The following SNAPC4 variants were observed in gnomAD, a reference collection of about 807,000 sequenced individuals.
SNAPC4 encodes small nuclear RNA activating complex polypeptide 4.
In SNAPC4, 127 loss-of-function variants were observed where a neutral mutation model predicts 151.3. The ratio of observed to expected loss-of-function variants is 0.84; its 90% CI spans 0.73 to 0.97. SNAPC4 has a LOEUF of 0.97. Ranked by LOEUF, SNAPC4 falls within the 50% of genes least tolerant of loss-of-function variation. SNAPC4 has a pLI of 0.00. For synonymous variants in SNAPC4, 1,002 were observed against 824.4 expected, an observed-to-expected ratio of 1.22 and a Z score of -3.69; for missense variants, 2,186 against 1,935.0, an observed-to-expected ratio of 1.13 and a Z score of -2.43.
intron 20 of SNAPC4, 103 bp from the exon 21 acceptor site, chr9:136,379,967 A>G: frequency 6.9e-7 from 1 of 1,443,220 alleles, no homozygotes; most frequent in Non-Finnish European, 9.6e-7. Context: ...CTGAAATGGG[A>G]CGAGGCCCCA....
chr9:136,386,895 G>A (rs1833908456), intron 13 of SNAPC4, among the ~76,000 whole-genome samples: 1 of 152,128 alleles, frequency 6.6e-6, no homozygotes, highest in South Asian at 2.1e-4. Flanking sequence ...TGGGATTACA[G>A]GCGCCACCCC....
rs771985265 is a variant in SNAPC4 at position 136,395,687 on chromosome 9, C to T, written c.261G>A (p.Leu87=). Residue 87 remains leucine, a synonymous_variant, in exon 4 of 24, where the codon CTG becomes CTA. Coordinates refer to ENST00000684778, the MANE Select transcript of SNAPC4 (RefSeq NM_003086.4). ...CCTCCTGGTAGACCATGTTCAGCTG[C>T]AGGCAGGTTTCTGGGTCTTCAGGGA... The part of the protein sequence containing the change: ...KTLPEDPETC[L]QLNMVYQEVI... The T allele has an allele frequency of 6.2e-7, 1 of 1,613,478 alleles. No individual in the cohort carries two copies.
At chr9:136,385,898 T>C (rs1833872997) in intron 13 of SNAPC4, among the ~76,000 whole-genome samples, 1 of 152,174 alleles carries the variant, frequency 6.6e-6, no homozygotes, top group South Asian at 2.1e-4. Flanking sequence ...ATGAAAATTT[T>C]ATTTTCCACT....
chr9:136,383,557 TGC>T lies in SNAPC4; in HGVS notation c.1610_1611del (p.Ser537LysfsTer19), dbSNP rs772634702. On this transcript the variant is annotated frameshift_variant, in exon 16 of 24. Coordinates refer to ENST00000684778, the MANE Select transcript of SNAPC4 (RefSeq NM_003086.4). LOFTEE classifies it high-confidence loss of function. The surrounding 1 kb of genome is among the most constrained non-coding windows in gnomAD (Gnocchi z 4.2). ...TCGTCCTCCTCGCTGCTGCTGCTGC[TGC>T]TGCTGCTGCTCCCTCCACTGCTGCC... ...SSGSSGGSSS[S>X]SSSSSEEDEP... is the part of the protein sequence containing the mutation. The T allele has an allele frequency of 1.2e-5, 19 of 1,606,524 alleles. No homozygotes were observed. The highest frequency in any genetic ancestry group is 3.3e-4 in the Middle Eastern group (2 of 6,032).
chr9:136,384,090 G>T, intron 14 of SNAPC4, 58 bp from the exon 15 acceptor site: 1 of 1,470,706 alleles, frequency 6.8e-7, no homozygotes, highest in Non-Finnish European at 9.4e-7. Flanking sequence ...CCCAGGACAG[G>T]CTTGCTGTTC....
Position 136,383,496 on chromosome 9 carries a change from G to A in SNAPC4, c.1673C>T (p.Ala558Val), listed in dbSNP as rs368684832. The A allele has an allele frequency of 3.1e-5, 48 of 1,573,440 alleles. No individual in the cohort carries two copies. The Middle Eastern group carries it at 5.2e-4, about 17-fold the overall frequency. Residue 558 changes from alanine (A) to valine (V), a missense_variant, in exon 16 of 24, where the codon GCG becomes GTG. Physicochemically the swap from Ala to Val is moderately conservative, Grantham distance 64 (BLOSUM62 0). Transcript: ENST00000684778. This position sits in a 1 kb window ranked among gnomAD's most constrained non-coding sequence, Gnocchi z 4.2. Reference sequence around the variant, plus strand: ...GACCATGTACTGTGGGGACAGCAGCGCTCTGTCACCCTCCCCGGCCTGCGC... The same window carrying A: ...GACCATGTACTGTGGGGACAGCAGCACTCTGTCACCCTCCCCGGCCTGCGC... The part of the protein sequence containing the change: ...EQAQAGEGDR[A>V]LLSPQYMVPD...
chr9:136,394,230 C>CT lies in SNAPC4; in HGVS notation c.632+18dup, dbSNP rs141530587. ...TGCCCAGCCTGAAGACCGTTTTTGA[C>CT]TTATGGTTTTAGACTTACTTCAGTA... On this transcript the variant is annotated intron_variant, in intron 7 of 23. Transcript: ENST00000684778. 271,688 of 1,600,824 alleles carry CT rather than the reference C, an allele frequency of 0.17. 23,981 individuals carry two copies. Among genetic ancestry groups the CT allele is most frequent in the Admixed American group, 0.25 (15,097 of 59,958 alleles).
chr9:136,378,160 C>T lies in SNAPC4; in HGVS notation c.3667G>A (p.Gly1223Arg), dbSNP rs1005930339. The change falls in exon 22 of 24, where the codon GGG (glycine) becomes AGG (arginine). Residue 1223 changes from glycine (G) to arginine (R), a missense_variant. Coordinates refer to ENST00000684778, the MANE Select transcript of SNAPC4 (RefSeq NM_003086.4). ...IPATEPRGTPGSPSGTQEPRG... is the reference protein window; with the variant it reads ...IPATEPRGTPRSPSGTQEPRG... ...GGCTCCTGTGTCCCTGAGGGGGACC[C>T]CGGCGTCCCCCTTGGCTCAGTTGCT... The T allele has an allele frequency of 6.2e-7, 1 of 1,610,768 alleles. No individual in the cohort carries two copies.
At chr9:136,390,840 AT>A (rs1440309507) in intron 10 of SNAPC4, among the ~76,000 whole-genome samples, 1,793 of 145,320 alleles carry the variant, frequency 0.012, 19 homozygotes, top group African/African-American at 0.036. Context: ...TTATTTATTT[AT>A]TTTTTTTTTT....
At chr9:136,380,546 G>C (rs1260297969) in intron 20 of SNAPC4, among the ~76,000 whole-genome samples, 194 bp downstream of exon 20, 1 of 152,208 alleles carries the variant, frequency 6.6e-6, no homozygotes, top group Non-Finnish European at 1.5e-5. Context: ...GGGCCCCAGT[G>C]TCAGCCCCGA....
chr9:136,383,537 C>G lies in SNAPC4; in HGVS notation c.1632G>C (p.Glu544Asp), dbSNP rs377762983. 1 of 1,592,004 alleles carries G rather than the reference C, an allele frequency of 6.3e-7. No individual in the cohort carries two copies. Among genetic ancestry groups the G allele is most frequent in the South Asian group, 1.1e-5 (1 of 89,652 alleles). ...CGGCCTGCGCCTGCTCTGGCTCGTC[C>G]TCCTCGCTGCTGCTGCTGCTGCTGC... ...SSSSSSSSSEEDEPEQAQAGE... is the reference protein window; with the variant it reads ...SSSSSSSSSEDDEPEQAQAGE... The change falls in exon 16 of 24, where the codon GAG becomes GAC. Residue 544 changes from glutamate (E) to aspartate (D), a missense_variant. Coordinates refer to ENST00000684778, the MANE Select transcript of SNAPC4 (RefSeq NM_003086.4). This position sits in a 1 kb window ranked among gnomAD's most constrained non-coding sequence, Gnocchi z 4.2.
chr9:136,383,146 A>C lies in SNAPC4; in HGVS notation c.1983+40T>G, dbSNP rs747730125. 4 of 1,509,672 alleles carry C rather than the reference A, an allele frequency of 2.6e-6. No homozygotes were observed. In the East Asian group the frequency reaches 6.8e-5, roughly 26 times the overall value. The allele number at this position is 1,509,672 out of a possible 1,614,324, so 93.5% of individuals were successfully genotyped here. On this transcript the variant is annotated intron_variant, in intron 16 of 23. Coordinates refer to ENST00000684778, the MANE Select transcript of SNAPC4 (RefSeq NM_003086.4). The surrounding 1 kb of genome is among the most constrained non-coding windows in gnomAD (Gnocchi z 4.2). ...CGTCAGCCCTGGCGAGCGAGTGCCGAAAGTGCACTTCCCGTGGTACACCCA... is the reference window on the plus strand; with the variant it reads ...CGTCAGCCCTGGCGAGCGAGTGCCGCAAGTGCACTTCCCGTGGTACACCCA...
chr9:136,396,101 T>C (rs1217959742), intron 3 of SNAPC4, among the ~76,000 whole-genome samples: 3 of 152,184 alleles, frequency 2.0e-5, no homozygotes, highest in Non-Finnish European at 4.4e-5. Flanking sequence ...CTGAACTCTG[T>C]CCTGAGCCCC....
chr9:136,397,111 T>G (rs1834300964), intron 2 of SNAPC4, 88 bp from the exon 3 acceptor site: 1 of 1,193,510 alleles, frequency 8.4e-7, no homozygotes, highest in Non-Finnish European at 1.3e-6. Context: ...TGGGCAGACC[T>G]GGGGTTGTGA....
At chr9:136,389,798 C>T (rs1219878846) in intron 10 of SNAPC4, among the ~76,000 whole-genome samples, 1 of 152,094 alleles carries the variant, frequency 6.6e-6, no homozygotes, top group East Asian at 1.9e-4. Context: ...TAGCTGAGAG[C>T]AGCAGCTCTC....
chr9:136,395,896 G>T, intron 3 of SNAPC4, 126 bp from the exon 4 acceptor site: 1 of 935,496 alleles, frequency 1.1e-6, no homozygotes, highest in Non-Finnish European at 1.6e-6. Context: ...AACACCCAAT[G>T]TGGAAGCAGG....
rs1164137153 is a variant in SNAPC4, at chr9:136,383,307, G to A, written c.1862C>T (p.Pro621Leu). The A allele has an allele frequency of 3.7e-6, 6 of 1,611,924 alleles. No individual in the cohort carries two copies. The East Asian group carries it at 1.1e-4, about 30-fold the overall frequency. ...CTGCACCGGACTCGTCTCCTCTCCA[G>A]GAGCCGCGGCTGTGGTGGAAGCTTC... ...SKEASTTAAAPGEETSPVQVP... is the reference protein window; with the variant it reads ...SKEASTTAAALGEETSPVQVP... Residue 621 changes from proline to leucine, a missense_variant, in exon 16 of 24, where the codon CCT becomes CTT. Pro to Leu is a moderately conservative substitution (Grantham distance 98). Transcript: ENST00000684778. The surrounding 1 kb of genome is among the most constrained non-coding windows in gnomAD (Gnocchi z 4.2).
At chr9:136,398,670 A>C in intron 1 of SNAPC4, 1 of 446,650 alleles carries the variant, frequency 2.2e-6, no homozygotes, top group Non-Finnish European at 4.1e-6. Flanking sequence ...CCCCAAGAAC[A>C]TCTCCCGCCT....
chr9:136,378,793 C>T lies in SNAPC4; in HGVS notation c.3034G>A (p.Gly1012Ser), dbSNP rs755156901. ...AASQAPALGPGQISVSCPESG... is the reference protein window; with the variant it reads ...AASQAPALGPSQISVSCPESG... ...TCGGGGCAGCTCACAGAGATCTGGC[C>T]GGGGCCCAGGGCAGGGGCTTGGGAA... The change falls in exon 22 of 24, where the codon GGC becomes AGC. Residue 1012 changes from glycine (G) to serine (S), a missense_variant. By Grantham distance (56) the Gly-to-Ser change is moderately conservative. Coordinates refer to ENST00000684778, the MANE Select transcript of SNAPC4 (RefSeq NM_003086.4). 7.9e-5 allele frequency: 123 copies of T among 1,566,744 alleles called. No homozygotes were observed. Among genetic ancestry groups the T allele is most frequent in the African/African-American group, 5.4e-5 (4 of 73,806 alleles).
Sources: gnomAD v4.1 joint callset for allele counts (sites outside exome capture counted in the v4.1 genomes callset) on GRCh38, gnomAD v4.1.1 for gene constraint, Gnocchi (gnomAD v3.1) non-coding constraint, MANE v1.5 for transcripts, NCBI Gene and HGNC (gene_info 2026-07-23, HGNC 2026-07-21) for gene names.